The following IGSF21 variants were observed in gnomAD, a reference collection of about 807,000 sequenced individuals.
IGSF21 encodes immunoglobin superfamily member 21, also known as immunoglobulin superfamily member 21.
A neutral mutation model predicts 46.8 loss-of-function variants in IGSF21; 28 were observed. That is an observed-to-expected ratio of 0.60 (90% CI 0.44 to 0.82). IGSF21 has a LOEUF of 0.82. Ranked by LOEUF, IGSF21 falls within the 40% of genes least tolerant of loss-of-function variation. The pLI is 0.00. For synonymous variants in IGSF21, 284 were observed against 273.6 expected (o/e 1.04, Z -0.38); for missense variants, 624 against 665.5 (o/e 0.94, Z 0.69).
At chr1:18,332,231 C>G (rs1339728702) in intron 3 of IGSF21, among the ~76,000 whole-genome samples, 2 of 152,214 alleles carry the variant, frequency 1.3e-5, no homozygotes, top group African/African-American at 4.8e-5. Context: ...GTGGTGGTTA[C>G]CTGCACGTAT....
chr1:18,251,517 A>G (rs938126645), intron 2 of IGSF21, among the ~76,000 whole-genome samples: 1 of 152,148 alleles, frequency 6.6e-6, no homozygotes, highest in African/African-American at 2.4e-5. Flanking sequence ...ATGCACAGTT[A>G]CCATCCAAAG....
chr1:18,313,395 G>A (rs955289628), intron 3 of IGSF21, among the ~76,000 whole-genome samples: 1 of 152,176 alleles, frequency 6.6e-6, no homozygotes, highest in Non-Finnish European at 1.5e-5. Flanking sequence ...CAGCTCTGCC[G>A]CTTCCTGGCT....
chr1:18,215,561 C>T (rs1294358349), intron 1 of IGSF21, among the ~76,000 whole-genome samples: 6 of 152,078 alleles, frequency 3.9e-5, no homozygotes, highest in African/African-American at 9.7e-5. Flanking sequence ...AAGGACATAG[C>T]GAAGTGATGG....
intron 1 of IGSF21, among the ~76,000 whole-genome samples, chr1:18,155,769 A>G (rs2086562855): frequency 6.6e-6 from 1 of 152,230 alleles, no homozygotes; most frequent in South Asian, 2.1e-4. Flanking sequence ...AGGGCAAGCC[A>G]GCACCCCACT....
intron 1 of IGSF21, among the ~76,000 whole-genome samples, chr1:18,158,511 G>A (rs555386465): frequency 6.9e-4 from 105 of 152,188 alleles, no homozygotes; most frequent in African/African-American, 2.3e-3. Context: ...CCCAGGCCCG[G>A]GTGTCTGCTG....
rs77604365 is a variant in IGSF21 at position 18,139,627 on chromosome 1, G to A, written c.70+31429G>A. Among the ~76,000 whole-genome samples the A allele has an allele frequency of 3.0e-4, 45 of 152,338 alleles. No individual in the cohort carries two copies. In the East Asian group the frequency reaches 7.1e-3, roughly 24 times the overall value. On this transcript the variant is annotated intron_variant, in intron 1 of 9. Coordinates refer to ENST00000251296, the MANE Select transcript of IGSF21 (RefSeq NM_032880.5). ...CAAAGGCTCTGGGACAGGTCTCTGG[G>A]TTTGAAGGCCAGCCCCACAACGTGT...
chr1:18,301,585 C>T (rs1037120760), intron 3 of IGSF21, among the ~76,000 whole-genome samples: 1 of 152,188 alleles, frequency 6.6e-6, no homozygotes, highest in Non-Finnish European at 1.5e-5. Flanking sequence ...AAGTGATGCA[C>T]CCGCCTTGGC....
At chr1:18,355,612 T>TAA (rs5772806) in intron 4 of IGSF21, among the ~76,000 whole-genome samples, 4 of 147,836 alleles carry the variant, frequency 2.7e-5, no homozygotes, top group African/African-American at 7.4e-5. Flanking sequence ...TAAGGCACAG[T>TAA]AAAAAAAAAA....
At chr1:18,359,390 G>A (rs1394731837) in intron 4 of IGSF21, among the ~76,000 whole-genome samples, 4 of 82,306 alleles carry the variant, frequency 4.9e-5, no homozygotes, top group Non-Finnish European at 5.1e-5. Flanking sequence ...AAGAAAGGAA[G>A]GAAGGAAGGA....
intron 1 of IGSF21, among the ~76,000 whole-genome samples, chr1:18,163,019 G>T (rs962889874): frequency 5.3e-5 from 8 of 152,134 alleles, no homozygotes; most frequent in African/African-American, 1.9e-4. Flanking sequence ...GGCCATGCAG[G>T]ATTTGGACAT....
intron 1 of IGSF21, among the ~76,000 whole-genome samples, chr1:18,152,995 A>G (rs941041534): frequency 1.1e-4 from 17 of 152,176 alleles, no homozygotes; most frequent in Non-Finnish European, 2.4e-4. Flanking sequence ...GCCCATAGCT[A>G]TGATGGAAAA....
rs187763059 is a variant in IGSF21 at position 18,257,391 on chromosome 1, A to G, written c.183+29381A>G. Among the ~76,000 whole-genome samples the G allele has an allele frequency of 8.1e-4, 124 of 152,292 alleles. No homozygotes were observed. The South Asian group carries it at 9.1e-3, about 11-fold the overall frequency. On this transcript the variant is annotated intron_variant, in intron 2 of 9. Transcript: ENST00000251296. Reference sequence around the variant, plus strand: ...CATATGAAAGCCCCTTGTAATGGCAATACATTACTCTTTATATATATAAAT... The same window carrying G: ...CATATGAAAGCCCCTTGTAATGGCAGTACATTACTCTTTATATATATAAAT...
intron 2 of IGSF21, among the ~76,000 whole-genome samples, chr1:18,281,828 G>C (rs1226667549): frequency 6.6e-6 from 1 of 152,182 alleles, no homozygotes; most frequent in Non-Finnish European, 1.5e-5. Flanking sequence ...CTGGTCTGGA[G>C]GAGGGACCTG....
At chr1:18,122,663 C>T (rs1302503505) in intron 1 of IGSF21, among the ~76,000 whole-genome samples, 1 of 150,920 alleles carries the variant, frequency 6.6e-6, no homozygotes, top group Non-Finnish European at 1.5e-5. Flanking sequence ...CTCTGTCACC[C>T]AGGCTGGAGT....
At chr1:18,216,510 G>T (rs1305218392) in intron 1 of IGSF21, among the ~76,000 whole-genome samples, 1 of 152,150 alleles carries the variant, frequency 6.6e-6, no homozygotes, top group African/African-American at 2.4e-5. Context: ...AAGTTTGGGG[G>T]CCAGAGACCA....
At chr1:18,200,635 C>T (rs1283100102) in intron 1 of IGSF21, among the ~76,000 whole-genome samples, 1 of 152,128 alleles carries the variant, frequency 6.6e-6, no homozygotes, top group African/African-American at 2.4e-5. Flanking sequence ...CAATTCGGGC[C>T]CTTCTTCATC....
chr1:18,212,836 T>C (rs2084406289), intron 1 of IGSF21, among the ~76,000 whole-genome samples: 2 of 135,946 alleles, frequency 1.5e-5, no homozygotes, highest in Non-Finnish European at 3.3e-5. Flanking sequence ...GATGCAGGAT[T>C]GACCCAGGGT....
chr1:18,259,576 A>G (rs2084921541), intron 2 of IGSF21, among the ~76,000 whole-genome samples: 1 of 152,210 alleles, frequency 6.6e-6, no homozygotes, highest in Non-Finnish European at 1.5e-5. Flanking sequence ...CTTGCATTCT[A>G]GTCTTCACTC....
Position 18,376,986 on chromosome 1 carries a change from G to A in IGSF21, c.1288G>A (p.Val430Met), listed in dbSNP as rs199807152. 7.4e-5 allele frequency: 118 copies of A among 1,590,856 alleles called. No individual in the cohort carries two copies. Among genetic ancestry groups the A allele is most frequent in the East Asian group, 1.4e-4 (6 of 44,288 alleles). The change falls in exon 8 of 10, where the codon GTG becomes ATG. Residue 430 changes from valine (V) to methionine (M), a missense_variant. Val to Met is a conservative substitution (Grantham distance 21). Transcript: ENST00000251296. ...CACCGACACGCACACCCGGCTCATC[G>A]TGTTTGGTATGGCGCGCTCAACTGG... is the stretch of plus-strand genomic sequence containing the variant. Reference protein sequence around the residue: ...GSTDTHTRLIVFENPNIPRGT... With the variant: ...GSTDTHTRLIMFENPNIPRGT...
Sources: gnomAD v4.1 joint callset for allele counts (sites outside exome capture counted in the v4.1 genomes callset) on GRCh38, gnomAD v4.1.1 for gene constraint, MANE v1.5 for transcripts, NCBI Gene and HGNC (gene_info 2026-07-23, HGNC 2026-07-21) for gene names.